The following CREB3L2 variants were observed in gnomAD, a reference collection of about 807,000 sequenced individuals.
The protein encoded by CREB3L2 is cyclic AMP-responsive element-binding protein 3-like protein 2.
Under a neutral mutation model 57.2 loss-of-function variants are expected in CREB3L2, and 23 were observed. The observed-to-expected ratio is 0.40, with a 90% CI of 0.29 to 0.57. The LOEUF is 0.57. CREB3L2 is among the 20% of genes least tolerant of loss of function. CREB3L2 has a pLI of 0.42. For missense variants in CREB3L2, 628 were observed against 634.7 expected, an observed-to-expected ratio of 0.99 and a Z score of 0.11; for synonymous variants, 268 against 265.1, an observed-to-expected ratio of 1.01 and a Z score of -0.11.
chr7:137,959,699 TCAAA>T (rs1349674386), intron 1 of CREB3L2, among the ~76,000 whole-genome samples: 12 of 152,204 alleles, frequency 7.9e-5, no homozygotes, highest in African/African-American at 2.9e-4. Flanking sequence ...CAATGATTTC[TCAAA>T]CATTCTACAA....
At position 137,915,925 on chromosome 7, in the gene CREB3L2, G is replaced by A; in HGVS notation, c.407C>T (p.Pro136Leu). The A allele has an allele frequency of 6.2e-7, 1 of 1,614,042 alleles. No homozygotes were observed. Among genetic ancestry groups the A allele is most frequent in the Non-Finnish European group, 8.5e-7 (1 of 1,179,920 alleles). ...CAGAGTGACAGACGGAACGAGTCCT[G>A]GGGGTGGTTCGTCTGTAACTGGCTC... Reference protein sequence around the residue: ...KTEPVTDEPPPGLVPSVTLTI... With the variant: ...KTEPVTDEPPLGLVPSVTLTI... Residue 136 changes from proline (P) to leucine (L), a missense_variant, in exon 3 of 12, where the codon CCA becomes CTA. Around this residue, in one of 3 missense-constraint regions of CREB3L2, gnomAD observed 339 missense variants for 355.4 expected, o/e 0.95. Transcript: ENST00000330387.
At position 137,875,202 on chromosome 7, in the gene CREB3L2, G is replaced by A. The variant is rs893445683; in HGVS notation, c.*5274C>T. 6 of 211,794 alleles carry A rather than the reference G, an allele frequency of 2.8e-5. No individual in the cohort carries two copies. Among genetic ancestry groups the A allele is most frequent in the African/African-American group, 6.8e-5 (3 of 43,996 alleles). 13.1% of individuals were successfully genotyped at this position (211,794 alleles called of 1,614,324 possible). A position where few individuals can be genotyped will look rare whatever the true frequency, so the allele number is the denominator to read the frequency against. ...TTAGATTTAAACACTGCTGGTCTAC[G>A]TAACCTGTTACAAAAGAGAGCAAAA... On this transcript the variant is annotated 3_prime_UTR_variant, in exon 12 of 12. Coordinates refer to ENST00000330387, the MANE Select transcript of CREB3L2 (RefSeq NM_194071.4).
chr7:137,880,272 C>T lies in CREB3L2; in HGVS notation c.*204G>A, dbSNP rs1799265495. The T allele has an allele frequency of 2.4e-5, 14 of 579,556 alleles. No individual in the cohort carries two copies. The highest frequency in any genetic ancestry group is 4.6e-4 in the Middle Eastern group (1 of 2,160). The allele number at this position is 579,556 out of a possible 1,614,324, so 35.9% of individuals were successfully genotyped here. A position where few individuals can be genotyped will look rare whatever the true frequency, so the allele number is the denominator to read the frequency against. ...AGAAAGGAAGGGAGGGATGCAGGCTCCCTTCTGCACAGGAGGGGCATGGAC... is the reference window on the plus strand; with the variant it reads ...AGAAAGGAAGGGAGGGATGCAGGCTTCCTTCTGCACAGGAGGGGCATGGAC... On this transcript the variant is annotated 3_prime_UTR_variant, in exon 12 of 12. Transcript: ENST00000330387. This position sits in a 1 kb window ranked among gnomAD's most constrained non-coding sequence, Gnocchi z 4.0.
intron 1 of CREB3L2, among the ~76,000 whole-genome samples, chr7:137,954,244 T>C (rs1354946685): frequency 6.6e-6 from 1 of 152,064 alleles, no homozygotes; most frequent in Non-Finnish European, 1.5e-5. Flanking sequence ...TGTAGGATCT[T>C]AGTGCTTGTT....
At chr7:137,897,965 T>C (rs1447785394) in intron 8 of CREB3L2, among the ~76,000 whole-genome samples, 2 of 151,996 alleles carry the variant, frequency 1.3e-5, no homozygotes, top group Non-Finnish European at 2.9e-5. Flanking sequence ...ATTAACAAAA[T>C]GAAAAGGCAG....
intron 8 of CREB3L2, among the ~76,000 whole-genome samples, chr7:137,898,757 G>GT (rs398006522): frequency 1.3e-5 from 2 of 151,182 alleles, no homozygotes; most frequent in Non-Finnish European, 2.9e-5. Flanking sequence ...CTAAGACCAG[G>GT]AAGACTCTAC....
At position 137,879,241 on chromosome 7, in the gene CREB3L2, C is replaced by T. The variant is rs1245615950; in HGVS notation, c.*1235G>A. Reference sequence around the variant, plus strand: ...CTCTTTGGGCGAGCTGCAAAGTAGCCAAACCTGACTACCAAAGGTAAGAAT... The same window carrying T: ...CTCTTTGGGCGAGCTGCAAAGTAGCTAAACCTGACTACCAAAGGTAAGAAT... On this transcript the variant is annotated 3_prime_UTR_variant, in exon 12 of 12. Transcript: ENST00000330387. The T allele has an allele frequency of 7.5e-6, 4 of 535,226 alleles. No individual in the cohort carries two copies. Among genetic ancestry groups the T allele is most frequent in the African/African-American group, 7.4e-5 (4 of 53,760 alleles). 33.2% of individuals were successfully genotyped at this position (535,226 alleles called of 1,614,324 possible).
At chr7:137,926,704 C>T (rs1415012529) in intron 2 of CREB3L2, among the ~76,000 whole-genome samples, 3 of 152,146 alleles carry the variant, frequency 2.0e-5, no homozygotes, top group African/African-American at 7.2e-5. Context: ...TGAACACCAA[C>T]ACCAAGAAGG....
intron 7 of CREB3L2, among the ~76,000 whole-genome samples, chr7:137,902,470 C>G (rs898539110): frequency 6.6e-6 from 1 of 152,038 alleles, no homozygotes; most frequent in Admixed American, 6.6e-5. Flanking sequence ...TGCTGGGGCA[C>G]GCATGCCCAA....
chr7:137,882,185 G>T (rs144963150), intron 11 of CREB3L2, among the ~76,000 whole-genome samples: 55 of 152,296 alleles, frequency 3.6e-4, no homozygotes, highest in African/African-American at 1.2e-3. Flanking sequence ...CCCCGCTGAT[G>T]CAGCAGACAT....
Position 137,879,548 on chromosome 7 carries a change from T to G in CREB3L2, c.*928A>C, listed in dbSNP as rs1476808094. On this transcript the variant is annotated 3_prime_UTR_variant, in exon 12 of 12. Coordinates refer to ENST00000330387, the MANE Select transcript of CREB3L2 (RefSeq NM_194071.4). ...CACATACATGCTCAAAGGAACTTCT[T>G]TTTCAATGGTAATTATTCCAGTTAA... 8.3e-6 allele frequency: 2 copies of G among 240,588 alleles called. No individual in the cohort carries two copies. The highest frequency in any genetic ancestry group is 1.6e-5 in the Non-Finnish European group (2 of 122,894). 14.9% of individuals were successfully genotyped at this position (240,588 alleles called of 1,614,324 possible).
At chr7:137,890,072 G>A (rs1799503075) in intron 8 of CREB3L2, among the ~76,000 whole-genome samples, 1 of 151,978 alleles carries the variant, frequency 6.6e-6, no homozygotes, top group Admixed American at 6.6e-5. Flanking sequence ...ATATTATGTT[G>A]ACACCAGCCC....
intron 2 of CREB3L2, among the ~76,000 whole-genome samples, chr7:137,918,753 GTGAATACAAAAAACAAAA>G (rs1298450949): frequency 7.2e-4 from 110 of 151,986 alleles, no homozygotes; most frequent in African/African-American, 2.4e-3. Flanking sequence ...AAAAAAAAAA[GTGAATACAAAAAACAAAA>G]TGAAGATGGG....
chr7:137,882,266 C>T (rs55960820), intron 11 of CREB3L2, 146 bp downstream of exon 11: 21 of 578,808 alleles, frequency 3.6e-5, no homozygotes, highest in Non-Finnish European at 4.6e-5. Context: ...AGACTCTCTG[C>T]AGTCCCAGGT....
chr7:137,949,423 G>C (rs1156631928), intron 1 of CREB3L2, among the ~76,000 whole-genome samples: 1 of 152,202 alleles, frequency 6.6e-6, no homozygotes, highest in Non-Finnish European at 1.5e-5. Flanking sequence ...TCAGGAGAGA[G>C]GGAATCTAGG....
chr7:137,953,440 A>T, intron 1 of CREB3L2: 1 of 1,284,430 alleles, frequency 7.8e-7, no homozygotes, highest in South Asian at 1.2e-5. Context: ...AAATAACAGT[A>T]TCTGAGACCT....
In CREB3L2 at chr7:137,880,612, T is replaced by C. The variant is rs369590106; in HGVS notation, c.1488-61A>G. 2.1e-5 allele frequency: 28 copies of C among 1,318,954 alleles called. No homozygotes were observed. In the African/African-American group the frequency reaches 3.3e-4, roughly 16 times the overall value. 81.7% of individuals were successfully genotyped at this position (1,318,954 alleles called of 1,614,324 possible). Reference sequence around the variant, plus strand: ...CACCAGCTGTTAGCTACAATTCTCATGCTTTGTAGCGTGATGCAATCATTC... The same window carrying C: ...CACCAGCTGTTAGCTACAATTCTCACGCTTTGTAGCGTGATGCAATCATTC... On this transcript the variant is annotated intron_variant, in intron 11 of 11. Coordinates refer to ENST00000330387, the MANE Select transcript of CREB3L2 (RefSeq NM_194071.4). The surrounding 1 kb of genome is among the most constrained non-coding windows in gnomAD (Gnocchi z 4.0).
chr7:137,902,390 A>T (rs913621760), intron 7 of CREB3L2, among the ~76,000 whole-genome samples: 7 of 152,076 alleles, frequency 4.6e-5, no homozygotes, highest in Non-Finnish European at 1.0e-4. Flanking sequence ...CTACACTCTT[A>T]CCAGGACTGA....
intron 7 of CREB3L2, among the ~76,000 whole-genome samples, chr7:137,901,964 C>A (rs1474631878): frequency 6.7e-6 from 1 of 149,258 alleles, no homozygotes; most frequent in Non-Finnish European, 1.5e-5. Flanking sequence ...GAGGCTGAGG[C>A]AGGCAGATCA....
Sources: gnomAD v4.1 joint callset for allele counts (sites outside exome capture counted in the v4.1 genomes callset) on GRCh38, gnomAD v4.1.1 for gene constraint, gnomAD v4.1.1 regional missense constraint, Gnocchi (gnomAD v3.1) non-coding constraint, MANE v1.5 for transcripts, NCBI Gene and HGNC (gene_info 2026-07-23, HGNC 2026-07-21) for gene names.